The following CSMD1 variants were observed in gnomAD, a reference collection of about 807,000 sequenced individuals.
CSMD1 encodes CUB and Sushi multiple domains 1, also known as CUB and sushi domain-containing protein 1.
CSMD1 carries 213 observed loss-of-function variants against 417.5 expected under a neutral mutation model. That is an observed-to-expected ratio of 0.51 (90% CI 0.46 to 0.57). The LOEUF is 0.57. CSMD1 is among the 20% of genes least tolerant of loss of function. The pLI is 0.00. For missense variants in CSMD1, 6,923 were observed against 4,529.7 expected (o/e 1.53, Z -15.17); for synonymous variants, 2,862 against 1,736.8 (o/e 1.65, Z -16.11).
At chr8:4,448,024 A>C (rs1399344556) in intron 2 of CSMD1, among the ~76,000 whole-genome samples, 7 of 152,180 alleles carry the variant, frequency 4.6e-5, no homozygotes, top group Admixed American at 1.3e-4. Context: ...TAAAAAACTA[A>C]AGTGGTTCCG....
chr8:4,693,368 G>A (rs985334146), intron 1 of CSMD1, among the ~76,000 whole-genome samples: 1 of 152,188 alleles, frequency 6.6e-6, no homozygotes, highest in Non-Finnish European at 1.5e-5. Context: ...GAGTAGAGTG[G>A]AGAAAACAGC....
At chr8:3,232,114 G>A (rs1014190223) in intron 26 of CSMD1, among the ~76,000 whole-genome samples, 1 of 152,140 alleles carries the variant, frequency 6.6e-6, no homozygotes, top group Non-Finnish European at 1.5e-5. Flanking sequence ...TCAATGCGTA[G>A]AACATACCCT....
chr8:4,901,370 G>C (rs138189068), intron 1 of CSMD1, among the ~76,000 whole-genome samples: 69 of 152,270 alleles, frequency 4.5e-4, no homozygotes, highest in African/African-American at 1.5e-3. Flanking sequence ...ATCTATAGAA[G>C]ACTATTGCAG....
At chr8:4,227,370 T>A (rs1801422824) in intron 3 of CSMD1, among the ~76,000 whole-genome samples, 1 of 152,102 alleles carries the variant, frequency 6.6e-6, no homozygotes, top group Non-Finnish European at 1.5e-5. Flanking sequence ...TCTAACATTT[T>A]AAGAACCCTA....
At chr8:4,343,879 T>C (rs993988499) in intron 3 of CSMD1, among the ~76,000 whole-genome samples, 2 of 152,144 alleles carry the variant, frequency 1.3e-5, no homozygotes. Context: ...CCTGGTCAAC[T>C]CAATAACTAA....
At chr8:4,436,230 G>A (rs1238060) in intron 2 of CSMD1, among the ~76,000 whole-genome samples, 3 of 151,994 alleles carry the variant, frequency 2.0e-5, no homozygotes, top group East Asian at 1.9e-4. Flanking sequence ...ACTTATTGTA[G>A]GACAAAATTA....
chr8:4,783,558 G>A (rs1315375481), intron 1 of CSMD1, among the ~76,000 whole-genome samples: 1 of 152,222 alleles, frequency 6.6e-6, no homozygotes, highest in African/African-American at 2.4e-5. Context: ...TGGTTCTAAG[G>A]AAAACCTAGC....
chr8:4,374,034 A>G (rs13269315), intron 3 of CSMD1, among the ~76,000 whole-genome samples: 1 of 152,064 alleles, frequency 6.6e-6, no homozygotes, highest in African/African-American at 2.4e-5. Context: ...CTCAGTAAAA[A>G]TACGTGATCA....
In CSMD1 at chr8:4,913,074, C is replaced by T. The variant is rs562054188; in HGVS notation, c.85+81258G>A. Among the ~76,000 whole-genome samples the T allele has an allele frequency of 1.3e-3, 201 of 152,242 alleles. 1 individual carries two copies. Among genetic ancestry groups the T allele is most frequent in the Non-Finnish European group, 2.2e-3 (152 of 68,020 alleles). On this transcript the variant is annotated intron_variant, in intron 1 of 69. Transcript: ENST00000635120. Reference sequence around the variant, plus strand: ...AAACTGCTGGGATTACAGGGGTGAGCCCCCACAAGTGGCCAGCACCAGCTG... The same window carrying T: ...AAACTGCTGGGATTACAGGGGTGAGTCCCCACAAGTGGCCAGCACCAGCTG...
intron 52 of CSMD1, among the ~76,000 whole-genome samples, chr8:3,005,626 T>A (rs965189756): frequency 1.3e-5 from 2 of 152,094 alleles, no homozygotes; most frequent in Non-Finnish European, 2.9e-5. Context: ...ATTACACAAA[T>A]CAATAAATGT....
At chr8:3,384,689 A>ATTTATATAAATTATATATAAATATATT (rs1810863167) in intron 18 of CSMD1, among the ~76,000 whole-genome samples, 1 of 123,016 alleles carries the variant, frequency 8.1e-6, no homozygotes, top group African/African-American at 3.1e-5. Context: ...ATAAATATAT[A>ATTTATATAAATTATATATAAATATATT]TTTATATAAA....
intron 42 of CSMD1, among the ~76,000 whole-genome samples, chr8:3,110,823 G>C (rs1816465006): frequency 6.6e-6 from 1 of 152,174 alleles, no homozygotes; most frequent in African/African-American, 2.4e-5. Context: ...ACCTGAAGAA[G>C]TAAGATAATG....
chr8:4,580,384 C>T (rs2130694171), intron 2 of CSMD1, among the ~76,000 whole-genome samples: 1 of 152,274 alleles, frequency 6.6e-6, no homozygotes, highest in South Asian at 2.1e-4. Context: ...GACCATCTTC[C>T]TTTGTTGTGT....
At chr8:3,715,601 G>A (rs1037218013) in intron 6 of CSMD1, among the ~76,000 whole-genome samples, 2 of 152,158 alleles carry the variant, frequency 1.3e-5, no homozygotes, top group Non-Finnish European at 2.9e-5. Flanking sequence ...GGAGTGCAGT[G>A]ACACAATCTG....
chr8:3,803,893 A>G (rs1435227307), intron 5 of CSMD1, among the ~76,000 whole-genome samples: 1 of 152,146 alleles, frequency 6.6e-6, no homozygotes, highest in Non-Finnish European at 1.5e-5. Flanking sequence ...GAGTGACAAT[A>G]GCAGACAAGG....
chr8:3,279,653 G>T (rs904172575), intron 26 of CSMD1, among the ~76,000 whole-genome samples: 1 of 152,106 alleles, frequency 6.6e-6, no homozygotes, highest in Non-Finnish European at 1.5e-5. Context: ...GATTTATAAA[G>T]GAAAGAGGTT....
chr8:4,647,876 T>C (rs780515554), intron 1 of CSMD1, among the ~76,000 whole-genome samples: 2 of 152,260 alleles, frequency 1.3e-5, no homozygotes, highest in African/African-American at 2.4e-5. Flanking sequence ...GCAGTAGACA[T>C]ACATGTGCAT....
At chr8:4,176,897 G>T (rs547286063) in intron 3 of CSMD1, among the ~76,000 whole-genome samples, 59 of 148,824 alleles carry the variant, frequency 4.0e-4, no homozygotes, top group Non-Finnish European at 4.9e-4. Flanking sequence ...AAATATATAT[G>T]CACCCAATAC....
At chr8:3,508,935 G>C (rs775125862) in intron 10 of CSMD1, among the ~76,000 whole-genome samples, 4 of 152,132 alleles carry the variant, frequency 2.6e-5, no homozygotes, top group African/African-American at 9.7e-5. Flanking sequence ...AAAAGTCTGA[G>C]AACTTAAAGT....
Sources: gnomAD v4.1 joint callset for allele counts (sites outside exome capture counted in the v4.1 genomes callset) on GRCh38, gnomAD v4.1.1 for gene constraint, MANE v1.5 for transcripts, NCBI Gene and HGNC (gene_info 2026-07-23, HGNC 2026-07-21) for gene names.